Variants in PTPRD observed in about 807,000 individuals in gnomAD.
The protein encoded by PTPRD is protein tyrosine phosphatase receptor type D, also known as receptor-type tyrosine-protein phosphatase delta.
PTPRD carries 34 observed loss-of-function variants against 214.5 expected under a neutral mutation model. The observed-to-expected ratio is 0.16, with a 90% CI of 0.12 to 0.21. PTPRD has a LOEUF of 0.21. Among genes scored for constraint, PTPRD ranks in the 10% least tolerant of loss-of-function variants. The pLI, the probability that PTPRD is intolerant of heterozygous loss-of-function variation, is 1.00. For synonymous variants in PTPRD, 1,128 were observed against 845.7 expected, an observed-to-expected ratio of 1.33 and a Z score of -5.79; for missense variants, 2,545 against 2,398.7, an observed-to-expected ratio of 1.06 and a Z score of -1.27.
Position 10,205,537 on chromosome 9 carries a change from C to G in PTPRD, c.-545+135426G>C, listed in dbSNP as rs1048428636. On this transcript the variant is annotated intron_variant, in intron 3 of 45. Transcript: ENST00000381196. ...TCTCCTGCCACAGCCTCTGAAGTAG[C>G]TGAGATTACAGGTGTAAGCCACCAC... 9.2e-5 allele frequency among the ~76,000 whole-genome samples: 14 copies of G among 152,164 alleles called. 1 individual carries two copies.
intron 36 of PTPRD, among the ~76,000 whole-genome samples, chr9:8,396,449 G>GT (rs1213432306): frequency 6.6e-6 from 1 of 151,914 alleles, no homozygotes; most frequent in Non-Finnish European, 1.5e-5. Context: ...GATGATGTAG[G>GT]TTTATCTACG....
At chr9:10,495,414 T>A (rs1255275647) in intron 2 of PTPRD, among the ~76,000 whole-genome samples, 1 of 151,842 alleles carries the variant, frequency 6.6e-6, no homozygotes, top group Non-Finnish European at 1.5e-5. Flanking sequence ...GGCTTCCAGA[T>A]GTCAGCTGAT....
In PTPRD at chr9:9,727,557, T is replaced by A. The variant is rs149519012; in HGVS notation, c.-287+6976A>T. 1.7e-3 allele frequency among the ~76,000 whole-genome samples: 255 copies of A among 152,308 alleles called. 1 individual carries two copies. Among genetic ancestry groups the A allele is most frequent in the African/African-American group, 5.7e-3 (237 of 41,564 alleles). On this transcript the variant is annotated intron_variant, in intron 7 of 45. Transcript: ENST00000381196. The stretch of plus-strand genomic sequence containing the variant: ...GATAGTTTAACTTCCCACTAAGTGA[T>A]CACTCTTCCATGTAGTCCAATTATT...
chr9:9,044,019 G>C (rs531802103), intron 10 of PTPRD, among the ~76,000 whole-genome samples: 192 of 152,150 alleles, frequency 1.3e-3, no homozygotes, highest in African/African-American at 4.4e-3. Flanking sequence ...TGCCAAGTCA[G>C]CATTCAATTT....
chr9:8,695,836 T>G (rs1597243520), intron 12 of PTPRD, among the ~76,000 whole-genome samples: 1 of 152,356 alleles, frequency 6.6e-6, no homozygotes, highest in East Asian at 1.9e-4. Context: ...ATATCCAGTT[T>G]TCTTAAGTTG....
chr9:9,459,524 T>C (rs1308124397), intron 8 of PTPRD, among the ~76,000 whole-genome samples: 2 of 152,092 alleles, frequency 1.3e-5, no homozygotes, highest in East Asian at 1.9e-4. Flanking sequence ...ACAAAATTAA[T>C]ACACAAAAAT....
intron 11 of PTPRD, among the ~76,000 whole-genome samples, chr9:8,985,351 T>G (rs1391927940): frequency 6.6e-6 from 1 of 152,052 alleles, no homozygotes; most frequent in Non-Finnish European, 1.5e-5. Flanking sequence ...AAGCTACAAC[T>G]TATTTAAAAC....
intron 3 of PTPRD, among the ~76,000 whole-genome samples, chr9:10,108,242 T>C (rs1350227451): frequency 1.3e-5 from 2 of 152,140 alleles, no homozygotes; most frequent in Admixed American, 1.3e-4. Flanking sequence ...GATGTCTCGA[T>C]ATACATACAT....
At chr9:9,126,546 A>G (rs1370380136) in intron 10 of PTPRD, among the ~76,000 whole-genome samples, 16 of 152,250 alleles carry the variant, frequency 1.1e-4, no homozygotes, top group Admixed American at 2.6e-4. Context: ...ACTTCTAAAT[A>G]AAGATTCAAA....
At chr9:8,431,043 C>A (rs1389686857) in intron 35 of PTPRD, among the ~76,000 whole-genome samples, 1 of 152,126 alleles carries the variant, frequency 6.6e-6, no homozygotes, top group Non-Finnish European at 1.5e-5. Flanking sequence ...TTATTAGTTC[C>A]TCCTCCCAGC....
chr9:9,740,083 A>AT (rs922456572), intron 6 of PTPRD, among the ~76,000 whole-genome samples: 1 of 152,118 alleles, frequency 6.6e-6, no homozygotes, highest in African/African-American at 2.4e-5. Context: ...GCATCTGGTC[A>AT]TTTTTTATGA....
intron 4 of PTPRD, among the ~76,000 whole-genome samples, chr9:9,954,743 A>T (rs1213189421): frequency 1.3e-5 from 2 of 152,142 alleles, no homozygotes; most frequent in Non-Finnish European, 2.9e-5. Context: ...TGTATATCCC[A>T]GCAATGTTAT....
intron 10 of PTPRD, among the ~76,000 whole-genome samples, chr9:9,120,767 G>A (rs1176058672): frequency 6.6e-6 from 1 of 152,028 alleles, no homozygotes; most frequent in Non-Finnish European, 1.5e-5. Flanking sequence ...CCAAATTTGG[G>A]AACTACTGGT....
chr9:8,505,657 AGAAG>A, intron 22 of PTPRD, among the ~76,000 whole-genome samples: 1 of 151,308 alleles, frequency 6.6e-6, no homozygotes, highest in Non-Finnish European at 1.5e-5. Context: ...AAGAAGAAGA[AGAAG>A]AAAAATTCAA....
intron 12 of PTPRD, among the ~76,000 whole-genome samples, chr9:8,644,624 T>A (rs1312018585): frequency 6.6e-6 from 1 of 152,192 alleles, no homozygotes. Flanking sequence ...TCCTGTTGTT[T>A]CCAAGTTTCC....
intron 12 of PTPRD, among the ~76,000 whole-genome samples, chr9:8,701,164 A>T (rs930864971): frequency 6.6e-6 from 1 of 152,102 alleles, no homozygotes; most frequent in African/African-American, 2.4e-5. Flanking sequence ...CCATCTCAAA[A>T]AAAAGAAAGT....
chr9:10,594,006 G>C (rs1268738641), intron 2 of PTPRD, among the ~76,000 whole-genome samples: 1 of 151,846 alleles, frequency 6.6e-6, no homozygotes, highest in South Asian at 2.1e-4. Context: ...ATTAAAACGG[G>C]AAGTATTGAA....
intron 2 of PTPRD, among the ~76,000 whole-genome samples, chr9:10,397,895 A>G (rs1447339155): frequency 2.0e-5 from 3 of 152,012 alleles, no homozygotes. Flanking sequence ...CACAATAACC[A>G]AATCATTTAA....
chr9:9,998,830 C>T (rs182323224), intron 4 of PTPRD, among the ~76,000 whole-genome samples: 14 of 152,330 alleles, frequency 9.2e-5, no homozygotes, highest in African/African-American at 3.1e-4. Flanking sequence ...ACTCCAAGTA[C>T]TCTTTCCTGA....
Sources: gnomAD v4.1 joint callset for allele counts (sites outside exome capture counted in the v4.1 genomes callset) on GRCh38, gnomAD v4.1.1 for gene constraint, MANE v1.5 for transcripts, NCBI Gene and HGNC (gene_info 2026-07-23, HGNC 2026-07-21) for gene names.